CCDC171: variants seen among roughly 807,000 people sequenced by gnomAD.
CCDC171 encodes the protein coiled-coil domain containing 171, also known as coiled-coil domain-containing protein 171.
CCDC171 carries 177 observed loss-of-function variants against 168.2 expected under a neutral mutation model. That is an observed-to-expected ratio of 1.05 (90% CI 0.93 to 1.19). The LOEUF (loss-of-function observed/expected upper bound fraction) is 1.19, where lower values mean the gene tolerates loss of function less well. Ranked by LOEUF, CCDC171 falls within the 50% of genes most tolerant of loss-of-function variation. CCDC171 has a pLI of 0.00. For synonymous variants in CCDC171, 687 were observed against 540.8 expected, an observed-to-expected ratio of 1.27 and a Z score of -3.75; for missense variants, 1,991 against 1,539.0, an observed-to-expected ratio of 1.29 and a Z score of -4.91.
intron 25 of CCDC171, among the ~76,000 whole-genome samples, chr9:15,965,001 G>C (rs114210200): frequency 0.01 from 1,538 of 152,248 alleles, 27 homozygotes; most frequent in African/African-American, 0.035. Context: ...GACTTCAGGT[G>C]ATCTTCCAGC....
At position 15,647,057 on chromosome 9, in the gene CCDC171, GAC is replaced by G. The variant is rs534690351; in HGVS notation, c.823-10069_823-10068del. Among the ~76,000 whole-genome samples, 214 of 152,310 alleles carry G rather than the reference GAC, an allele frequency of 1.4e-3. 1 individual carries two copies. Among genetic ancestry groups the G allele is most frequent in the African/African-American group, 4.4e-3 (184 of 41,548 alleles). On this transcript the variant is annotated intron_variant, in intron 7 of 25. Coordinates refer to ENST00000380701, the MANE Select transcript of CCDC171 (RefSeq NM_173550.4). Reference sequence around the variant, plus strand: ...AGAAATTTTGACAAAGTGTCTCTTAGACCACAGTGCAATCAAACTAGAACTCA... The same window carrying G: ...AGAAATTTTGACAAAGTGTCTCTTAGCACAGTGCAATCAAACTAGAACTCA...
intron 6 of CCDC171, among the ~76,000 whole-genome samples, chr9:15,600,729 C>A (rs544202709): frequency 1.3e-5 from 2 of 152,224 alleles, no homozygotes; most frequent in African/African-American, 2.4e-5. Flanking sequence ...GCCCTGCCCC[C>A]AGAGGTGGAG....
intron 24 of CCDC171, among the ~76,000 whole-genome samples, chr9:15,897,607 A>G (rs780916274): frequency 1.3e-5 from 2 of 152,176 alleles, no homozygotes; most frequent in Non-Finnish European, 2.9e-5. Context: ...ATACTTATTA[A>G]TGATTGTGAG....
rs370313219 is a variant in CCDC171, at chr9:15,948,191, C to T, written c.3754-23418C>T. On this transcript the variant is annotated intron_variant, in intron 25 of 25. Transcript: ENST00000380701. ...TATGGCTGCATAGTATTCCATGGTGCATATGTGCCACATTTTCTTAATCCA... is the reference window on the plus strand; with the variant it reads ...TATGGCTGCATAGTATTCCATGGTGTATATGTGCCACATTTTCTTAATCCA... Among the ~76,000 whole-genome samples the T allele has an allele frequency of 1.2e-4, 18 of 150,164 alleles. No individual in the cohort carries two copies. The East Asian group carries it at 1.9e-3, about 16-fold the overall frequency.
At chr9:15,891,872 A>G (rs1820257832) in intron 24 of CCDC171, among the ~76,000 whole-genome samples, 1 of 152,090 alleles carries the variant, frequency 6.6e-6, no homozygotes, top group Non-Finnish European at 1.5e-5. Flanking sequence ...GGAGAACAAA[A>G]CAAGCACTAA....
chr9:15,765,103 T>C (rs2056650523), intron 18 of CCDC171, among the ~76,000 whole-genome samples: 1 of 152,160 alleles, frequency 6.6e-6, no homozygotes, highest in Admixed American at 6.5e-5. Flanking sequence ...ATGATGAGAA[T>C]TGAAGAATCA....
intron 1 of CCDC171, among the ~76,000 whole-genome samples, chr9:15,558,015 G>T (rs1008968226): frequency 1.3e-5 from 2 of 152,110 alleles, no homozygotes; most frequent in East Asian, 1.9e-4. Context: ...TTTGTCATTG[G>T]TTCTGTTTAT....
chr9:16,062,985 G>A (rs1228159089), downstream of CCDC171, among the ~76,000 whole-genome samples: 1 of 152,182 alleles, frequency 6.6e-6, no homozygotes, highest in African/African-American at 2.4e-5. Flanking sequence ...GAGGAAGAAT[G>A]ATGAGAAAGT....
chr9:15,717,919 C>G (rs1225070332), intron 11 of CCDC171, among the ~76,000 whole-genome samples: 1 of 152,188 alleles, frequency 6.6e-6, no homozygotes, highest in African/African-American at 2.4e-5. Context: ...GCTGTAGTGG[C>G]TACGGCAAGA....
intron 6 of CCDC171, among the ~76,000 whole-genome samples, chr9:15,596,380 A>G (rs2042358871): frequency 1.3e-5 from 2 of 151,880 alleles, no homozygotes; most frequent in African/African-American, 4.8e-5. Flanking sequence ...CAGTTTTCCC[A>G]GCACCATTTA....
At chr9:16,066,460 C>CTT (rs112524958), downstream of CCDC171, among the ~76,000 whole-genome samples, 7,651 of 144,736 alleles carry the variant, frequency 0.053, 546 homozygotes, top group African/African-American at 0.16. Context: ...TTTTTCTTTT[C>CTT]TTTTTTTTTT....
intron 8 of CCDC171, among the ~76,000 whole-genome samples, chr9:15,658,175 AGAGCTTAGG>A (rs2048075442): frequency 6.6e-6 from 1 of 152,242 alleles, no homozygotes; most frequent in African/African-American, 2.4e-5. Context: ...GTTGAGTGGT[AGAGCTTAGG>A]GAAAAGTTTG....
At chr9:15,745,212 G>A (rs1348567503) in intron 17 of CCDC171, among the ~76,000 whole-genome samples, 2 of 152,262 alleles carry the variant, frequency 1.3e-5, no homozygotes, top group South Asian at 2.1e-4. Flanking sequence ...AAATTTTCCA[G>A]TTGTGTTTTG....
rs140091916 is a variant in CCDC171 at position 15,588,230 on chromosome 9, G to T, written c.353-3136G>T. On this transcript the variant is annotated intron_variant, in intron 4 of 25. Transcript: ENST00000380701. ...AGCCTGGGTGAGAGAGTGAGACTCT[G>T]TCTCAAAGAATTTAAAAATATGGAA... is the stretch of plus-strand genomic sequence containing the variant. 3.3e-3 allele frequency: 526 copies of T among 161,256 alleles called. 1 individual carries two copies. Among genetic ancestry groups the T allele is most frequent in the Middle Eastern group, 9.1e-3 (3 of 328 alleles). 10.0% of individuals were successfully genotyped at this position (161,256 alleles called of 1,614,324 possible).
intron 21 of CCDC171, among the ~76,000 whole-genome samples, chr9:15,797,390 A>G (rs1231711633): frequency 6.6e-6 from 1 of 151,896 alleles, no homozygotes; most frequent in Admixed American, 6.6e-5. Flanking sequence ...TAGTTTTTGT[A>G]TTTTTTGTAG....
In CCDC171 at chr9:15,818,445, T is replaced by TA. The variant is rs1266649863; in HGVS notation, c.3268-28248dup. On this transcript the variant is annotated intron_variant, in intron 21 of 25. Coordinates refer to ENST00000380701, the MANE Select transcript of CCDC171 (RefSeq NM_173550.4). ...GAATGGCAAAGAAGTTAAAAACCTT[T>TA]AAAAAAAAATTAGACGAATGGCTAA... 1.7e-5 allele frequency among the ~76,000 whole-genome samples: 2 copies of TA among 114,428 alleles called. 1 individual carries two copies. Among genetic ancestry groups the TA allele is most frequent in the Non-Finnish European group, 3.9e-5 (2 of 51,058 alleles). 75.1% of individuals were successfully genotyped at this position (114,428 alleles called of 152,430 possible).
At chr9:15,890,952 C>T (rs981282261) in intron 24 of CCDC171, among the ~76,000 whole-genome samples, 1 of 152,126 alleles carries the variant, frequency 6.6e-6, no homozygotes, top group Non-Finnish European at 1.5e-5. Context: ...GATAAAAGGA[C>T]TGGCTCTTAA....
At chr9:16,048,821 CA>C (rs528298646) in intron 1 of CCDC171, among the ~76,000 whole-genome samples, 119 of 152,104 alleles carry the variant, frequency 7.8e-4, no homozygotes, top group African/African-American at 2.8e-3. Context: ...GTTATTAGAA[CA>C]GTACCTCGCA....
chr9:15,579,973 G>C (rs1370671599), intron 4 of CCDC171, among the ~76,000 whole-genome samples: 3 of 152,126 alleles, frequency 2.0e-5, no homozygotes, highest in Non-Finnish European at 2.9e-5. Context: ...TGTGAATTCA[G>C]ATTTAGATTT....
Sources: allele counts gnomAD v4.1 joint callset (sites outside exome capture counted in the v4.1 genomes callset), GRCh38; gene constraint gnomAD v4.1.1; transcripts MANE v1.5; gene names NCBI Gene and HGNC (gene_info 2026-07-23, HGNC 2026-07-21).